PLCXD3: variants seen among roughly 807,000 people sequenced by gnomAD.
PLCXD3 encodes the protein phosphatidylinositol specific phospholipase C X domain containing 3, also known as PI-PLC X domain-containing protein 3.
Under a neutral mutation model 25.5 loss-of-function variants are expected in PLCXD3, and 19 were observed. The ratio of observed to expected loss-of-function variants is 0.75; its 90% confidence interval spans 0.52 to 1.09. The LOEUF is 1.09. Ranked by LOEUF, PLCXD3 falls within the 50% of genes least tolerant of loss-of-function variation. The pLI is 0.00. For missense variants in PLCXD3, 411 were observed against 388.1 expected (o/e 1.06, Z -0.50); for synonymous variants, 174 against 137.6 (o/e 1.26, Z -1.85).
chr5:41,482,499 TATA>T (rs1748435371), intron 1 of PLCXD3, among the ~76,000 whole-genome samples: 1 of 152,138 alleles, frequency 6.6e-6, no homozygotes, highest in African/African-American at 2.4e-5. Flanking sequence ...GAGCACGAAG[TATA>T]ATACATTAGT....
At chr5:41,503,847 G>T (rs1276540920) in intron 1 of PLCXD3, among the ~76,000 whole-genome samples, 3 of 152,122 alleles carry the variant, frequency 2.0e-5, no homozygotes, top group Non-Finnish European at 4.4e-5. Context: ...GCTCATCATG[G>T]TGGCATGTTC....
chr5:41,455,503 A>G (rs958061232), intron 1 of PLCXD3, among the ~76,000 whole-genome samples: 2 of 151,904 alleles, frequency 1.3e-5, no homozygotes, highest in African/African-American at 4.8e-5. Flanking sequence ...GCAAAGGGGT[A>G]AGCCTTAAGC....
chr5:41,465,762 T>C (rs1235011875), intron 1 of PLCXD3, among the ~76,000 whole-genome samples: 8 of 152,066 alleles, frequency 5.3e-5, no homozygotes. Context: ...ACATCTATTC[T>C]TAGCTCTGCT....
intron 1 of PLCXD3, among the ~76,000 whole-genome samples, chr5:41,388,187 G>C (rs1745698698): frequency 6.6e-6 from 1 of 151,572 alleles, no homozygotes; most frequent in Non-Finnish European, 1.5e-5. Flanking sequence ...AGGGAAGTTA[G>C]GCATAGAGAC....
chr5:41,416,022 C>T (rs932436290), intron 1 of PLCXD3, among the ~76,000 whole-genome samples: 1 of 152,108 alleles, frequency 6.6e-6, no homozygotes, highest in Non-Finnish European at 1.5e-5. Flanking sequence ...AATGAAGATG[C>T]CTTGAGAGGA....
At chr5:41,462,488 A>G (rs1436531406) in intron 1 of PLCXD3, among the ~76,000 whole-genome samples, 2 of 152,048 alleles carry the variant, frequency 1.3e-5, no homozygotes, top group Admixed American at 1.3e-4. Flanking sequence ...TTTCAATACT[A>G]TAGGAGTAAT....
intron 1 of PLCXD3, among the ~76,000 whole-genome samples, chr5:41,430,963 G>C (rs972823410): frequency 1.3e-5 from 2 of 152,098 alleles, no homozygotes; most frequent in Non-Finnish European, 2.9e-5. Flanking sequence ...TCCCAGCTTT[G>C]AGCTGACCAA....
intron 2 of PLCXD3, among the ~76,000 whole-genome samples, chr5:41,364,603 A>T (rs951677398): frequency 1.3e-5 from 2 of 152,176 alleles, no homozygotes; most frequent in Non-Finnish European, 2.9e-5. Context: ...ATATTATTAG[A>T]TCTCAGAGAC....
intron 1 of PLCXD3, among the ~76,000 whole-genome samples, chr5:41,497,775 T>C (rs912962838): frequency 6.6e-6 from 1 of 151,814 alleles, no homozygotes; most frequent in Admixed American, 6.6e-5. Context: ...GATCACACGA[T>C]AGGCCCCAAA....
chr5:41,469,781 TC>T (rs1227427082), intron 1 of PLCXD3, among the ~76,000 whole-genome samples: 1 of 152,242 alleles, frequency 6.6e-6, no homozygotes, highest in Non-Finnish European at 1.5e-5. Context: ...AGGCAGGCAT[TC>T]TTTCTGTATT....
chr5:41,424,149 C>A (rs1048040494), intron 1 of PLCXD3, among the ~76,000 whole-genome samples: 1 of 152,088 alleles, frequency 6.6e-6, no homozygotes, highest in Non-Finnish European at 1.5e-5. Flanking sequence ...TCACAATAGC[C>A]AATATATGGG....
chr5:41,493,413 C>G (rs542132368), intron 1 of PLCXD3, among the ~76,000 whole-genome samples: 1 of 151,958 alleles, frequency 6.6e-6, no homozygotes, highest in Non-Finnish European at 1.5e-5. Context: ...GCAGTCTGCC[C>G]GTTCTCAGAT....
intron 1 of PLCXD3, among the ~76,000 whole-genome samples, chr5:41,387,877 G>T (rs778687679): frequency 4.6e-5 from 7 of 151,986 alleles, no homozygotes; most frequent in Non-Finnish European, 8.8e-5. Context: ...AATACATTTT[G>T]GTAATGATTT....
At chr5:41,454,328 A>G (rs955894199) in intron 1 of PLCXD3, among the ~76,000 whole-genome samples, 4 of 152,002 alleles carry the variant, frequency 2.6e-5, no homozygotes, top group Non-Finnish European at 5.9e-5. Context: ...TTTATTTTTC[A>G]TAGTTCTTGA....
intron 1 of PLCXD3, among the ~76,000 whole-genome samples, chr5:41,509,755 G>A (rs1328570625): frequency 6.6e-6 from 1 of 152,200 alleles, no homozygotes; most frequent in Non-Finnish European, 1.5e-5. Flanking sequence ...CACGCACTTG[G>A]ACCAGACTCG....
chr5:41,506,806 T>G (rs983543497), intron 1 of PLCXD3, among the ~76,000 whole-genome samples: 2 of 152,212 alleles, frequency 1.3e-5, no homozygotes, highest in African/African-American at 4.8e-5. Flanking sequence ...ACAGGCACAA[T>G]CATTGATTTA....
intron 2 of PLCXD3, among the ~76,000 whole-genome samples, chr5:41,372,492 G>A (rs185824631): frequency 1.3e-5 from 2 of 152,164 alleles, no homozygotes; most frequent in East Asian, 3.9e-4. Flanking sequence ...GAATGAAGGA[G>A]AAAGAGAGTT....
At position 41,456,530 on chromosome 5, in the gene PLCXD3, T is replaced by C. The variant is rs1284339792; in HGVS notation, c.103+53894A>G. ...TTGAAAAAAAAAGAAAAACAAGTTCTTAATCTCTAGACTTACCCATTTTAT... is the reference window on the plus strand; with the variant it reads ...TTGAAAAAAAAAGAAAAACAAGTTCCTAATCTCTAGACTTACCCATTTTAT... On this transcript the variant is annotated intron_variant, in intron 1 of 2. Transcript: ENST00000377801. 4.3e-6 allele frequency: 4 copies of C among 933,118 alleles called. No individual in the cohort carries two copies. In the African/African-American group the frequency reaches 7.2e-5, roughly 17 times the overall value. 57.8% of individuals were successfully genotyped at this position (933,118 alleles called of 1,614,324 possible).
In PLCXD3 at chr5:41,453,216, T is replaced by C. The variant is rs571121370; in HGVS notation, c.103+57208A>G. On this transcript the variant is annotated intron_variant, in intron 1 of 2. Transcript: ENST00000377801. Reference sequence around the variant, plus strand: ...TTCTATTCTTCTCCTTCCATGACTTTGACATTTTTAGATGCCACATATATG... The same window carrying C: ...TTCTATTCTTCTCCTTCCATGACTTCGACATTTTTAGATGCCACATATATG... Among the ~76,000 whole-genome samples, 3 of 152,020 alleles carry C rather than the reference T, an allele frequency of 2.0e-5. No homozygotes were observed. In the South Asian group the frequency reaches 6.2e-4, roughly 32 times the overall value.
Sources: gnomAD v4.1 joint callset for allele counts (sites outside exome capture counted in the v4.1 genomes callset) on GRCh38, gnomAD v4.1.1 for gene constraint, MANE v1.5 for transcripts, NCBI Gene and HGNC (gene_info 2026-07-23, HGNC 2026-07-21) for gene names.